TMCC1: variants seen among roughly 807,000 people sequenced by gnomAD.
The protein encoded by TMCC1 is transmembrane and coiled-coil domain family 1.
Under a neutral mutation model 52.4 loss-of-function variants are expected in TMCC1, and 15 were observed. The ratio of observed to expected loss-of-function variants is 0.29; its 90% CI spans 0.19 to 0.44. TMCC1 has a LOEUF of 0.44. Ranked by LOEUF, TMCC1 falls within the 20% of genes least tolerant of loss-of-function variation. TMCC1 has a pLI of 1.00. For missense variants in TMCC1, 503 were observed against 806.0 expected (o/e 0.62, Z 4.55); for synonymous variants, 279 against 301.9 (o/e 0.92, Z 0.79).
intron 4 of TMCC1, among the ~76,000 whole-genome samples, chr3:129,687,776 T>C (rs957486373): frequency 2.6e-5 from 4 of 152,216 alleles, no homozygotes; most frequent in Non-Finnish European, 4.4e-5. Context: ...TCCACCTCCA[T>C]ACTTATGTTC....
In TMCC1 at chr3:129,668,423, G is replaced by A. The variant is rs77249276; in HGVS notation, c.1511+1907C>T. ...AAGAACTATTACTATTTCTATGTTAGGGATGTGGAAACCAAGACTTAAGAG... is the reference window on the plus strand; with the variant it reads ...AAGAACTATTACTATTTCTATGTTAAGGATGTGGAAACCAAGACTTAAGAG... On this transcript the variant is annotated intron_variant, in intron 5 of 6. Coordinates refer to ENST00000393238, the MANE Select transcript of TMCC1 (RefSeq NM_001017395.5). Among the ~76,000 whole-genome samples, 119 of 152,216 alleles carry A rather than the reference G, an allele frequency of 7.8e-4. 2 individuals are homozygous for A. In the East Asian group the frequency reaches 0.021, roughly 27 times the overall value.
chr3:129,831,277 A>C (rs1196931290), intron 3 of TMCC1, among the ~76,000 whole-genome samples: 1 of 152,176 alleles, frequency 6.6e-6, no homozygotes, highest in Non-Finnish European at 1.5e-5. Context: ...ATTGATTACA[A>C]GGAAATGTTA....
chr3:129,652,010 G>A (rs1234161576), intron 6 of TMCC1, among the ~76,000 whole-genome samples: 1 of 152,260 alleles, frequency 6.6e-6, no homozygotes, highest in Non-Finnish European at 1.5e-5. Flanking sequence ...CCAGTGGGAT[G>A]AGTCACAGGA....
At chr3:129,771,543 G>C (rs1313707438) in intron 4 of TMCC1, among the ~76,000 whole-genome samples, 2 of 151,980 alleles carry the variant, frequency 1.3e-5, no homozygotes, top group Non-Finnish European at 1.5e-5. Flanking sequence ...GGGAGGCGGA[G>C]GTAGGTGGAT....
intron 4 of TMCC1, among the ~76,000 whole-genome samples, chr3:129,751,788 T>A (rs1356900107): frequency 6.6e-6 from 1 of 152,134 alleles, no homozygotes; most frequent in African/African-American, 2.4e-5. Context: ...CTCAAACTCC[T>A]GACCTCATAA....
chr3:129,717,698 TTC>T (rs1478267020), intron 4 of TMCC1, among the ~76,000 whole-genome samples: 1 of 152,206 alleles, frequency 6.6e-6, no homozygotes, highest in Non-Finnish European at 1.5e-5. Context: ...TGCCAGAAAA[TTC>T]TGTTAGCATC....
intron 4 of TMCC1, among the ~76,000 whole-genome samples, chr3:129,760,200 A>G (rs1020194632): frequency 3.3e-5 from 5 of 151,844 alleles, no homozygotes; most frequent in Non-Finnish European, 7.4e-5. Flanking sequence ...CAAAACTGAC[A>G]TATTAATTCT....
intron 4 of TMCC1, among the ~76,000 whole-genome samples, chr3:129,700,961 A>G (rs1159432958): frequency 2.0e-5 from 3 of 152,088 alleles, no homozygotes; most frequent in Non-Finnish European, 4.4e-5. Context: ...ATCTACCTCT[A>G]CTGTCAGATG....
At chr3:129,860,185 T>A (rs2060324279) in intron 2 of TMCC1, among the ~76,000 whole-genome samples, 1 of 152,154 alleles carries the variant, frequency 6.6e-6, no homozygotes, top group African/African-American at 2.4e-5. Context: ...CATATAAAAA[T>A]AGATGTTTCA....
intron 4 of TMCC1, among the ~76,000 whole-genome samples, chr3:129,791,431 A>C (rs1442400706): frequency 6.6e-6 from 1 of 152,062 alleles, no homozygotes; most frequent in Non-Finnish European, 1.5e-5. Context: ...TGGTATGGGG[A>C]AACAGAATGG....
At chr3:129,666,129 T>C (rs2087432018) in intron 5 of TMCC1, among the ~76,000 whole-genome samples, 1 of 152,130 alleles carries the variant, frequency 6.6e-6, no homozygotes, top group South Asian at 2.1e-4. Context: ...ACTTTCTTCC[T>C]ACACAAAAAG....
chr3:129,688,121 C>T (rs955473652), intron 4 of TMCC1: 1 of 982,566 alleles, frequency 1.0e-6, no homozygotes. Flanking sequence ...CAATTCCATA[C>T]AGCTGATATA....
chr3:129,756,462 G>A (rs1261034393), intron 4 of TMCC1, among the ~76,000 whole-genome samples: 4 of 152,048 alleles, frequency 2.6e-5, no homozygotes, highest in Non-Finnish European at 5.9e-5. Flanking sequence ...TTGCCAGGCT[G>A]GAGTGCAGTG....
At chr3:129,798,473 T>C (rs1576892183) in intron 4 of TMCC1, among the ~76,000 whole-genome samples, 1 of 148,778 alleles carries the variant, frequency 6.7e-6, no homozygotes, top group East Asian at 2.0e-4. Context: ...GTGTTTCTGA[T>C]TGATATAAGC....
At chr3:129,812,205 G>A (rs2057850789) in intron 4 of TMCC1, among the ~76,000 whole-genome samples, 2 of 151,766 alleles carry the variant, frequency 1.3e-5, no homozygotes, top group African/African-American at 4.8e-5. Flanking sequence ...AGCTAGATGT[G>A]GTGGCACGCA....
intron 4 of TMCC1, among the ~76,000 whole-genome samples, chr3:129,769,539 ATTTT>A (rs56862714): frequency 7.6e-6 from 1 of 132,412 alleles, no homozygotes; most frequent in African/African-American, 2.8e-5. Flanking sequence ...CCATTATGAG[ATTTT>A]TTTTTTTTTT....
intron 1 of TMCC1, among the ~76,000 whole-genome samples, chr3:129,887,215 A>T (rs1389424484): frequency 1.3e-5 from 2 of 152,112 alleles, no homozygotes; most frequent in Admixed American, 6.5e-5. Flanking sequence ...TTCAAATCAT[A>T]AATTGTATTT....
At chr3:129,833,879 C>T (rs983505322) in intron 2 of TMCC1, among the ~76,000 whole-genome samples, 1 of 152,144 alleles carries the variant, frequency 6.6e-6, no homozygotes, top group Admixed American at 6.5e-5. Context: ...AAACTTGCTT[C>T]TGATGGGTAT....
intron 4 of TMCC1, among the ~76,000 whole-genome samples, chr3:129,776,271 T>C (rs1029795959): frequency 6.6e-6 from 1 of 152,262 alleles, no homozygotes; most frequent in South Asian, 2.1e-4. Flanking sequence ...TTTATCTTTT[T>C]CACTGCTACA....
Sources: gnomAD v4.1 joint callset for allele counts (sites outside exome capture counted in the v4.1 genomes callset) on GRCh38, gnomAD v4.1.1 for gene constraint, MANE v1.5 for transcripts, NCBI Gene and HGNC (gene_info 2026-07-23, HGNC 2026-07-21) for gene names.